The following CACNA2D3 variants were observed in gnomAD, a reference collection of about 807,000 sequenced individuals.
CACNA2D3 encodes calcium voltage-gated channel auxiliary subunit alpha2delta 3.
In CACNA2D3, 60 loss-of-function variants were observed where a neutral mutation model predicts 160.6. The observed-to-expected ratio is 0.37, with a 90% CI of 0.30 to 0.46. CACNA2D3 has a LOEUF of 0.46. CACNA2D3 is among the 20% of genes least tolerant of loss of function. CACNA2D3 has a pLI of 1.00. For synonymous variants in CACNA2D3, 558 were observed against 492.9 expected, an observed-to-expected ratio of 1.13 and a Z score of -1.75; for missense variants, 1,205 against 1,365.0, an observed-to-expected ratio of 0.88 and a Z score of 1.85.
chr3:54,155,271 C>G (rs1328684329), intron 2 of CACNA2D3, among the ~76,000 whole-genome samples: 1 of 152,188 alleles, frequency 6.6e-6, no homozygotes, highest in African/African-American at 2.4e-5. Flanking sequence ...ATGGGTCACA[C>G]AAAGCCTGCT....
intron 11 of CACNA2D3, among the ~76,000 whole-genome samples, chr3:54,736,116 T>TATATATAC (rs796503735): frequency 0.023 from 724 of 32,098 alleles, 126 homozygotes; most frequent in South Asian, 0.068. Context: ...TATGTATATA[T>TATATATAC]ATACATATAT....
At chr3:54,521,898 T>C (rs1024844524) in intron 5 of CACNA2D3, among the ~76,000 whole-genome samples, 1 of 152,242 alleles carries the variant, frequency 6.6e-6, no homozygotes, top group Non-Finnish European at 1.5e-5. Flanking sequence ...TTCTGGACTC[T>C]CATGTCTATT....
intron 2 of CACNA2D3, among the ~76,000 whole-genome samples, chr3:54,170,882 G>C (rs908634489): frequency 6.6e-6 from 1 of 151,934 alleles, no homozygotes; most frequent in Non-Finnish European, 1.5e-5. Context: ...TCTAGGCTTT[G>C]TCAGATGTTT....
chr3:54,664,083 G>A (rs1446691282), intron 11 of CACNA2D3, among the ~76,000 whole-genome samples: 2 of 152,236 alleles, frequency 1.3e-5, no homozygotes, highest in Admixed American at 6.5e-5. Context: ...AACTCCAGCT[G>A]TGCTGAGCCG....
rs1368784848 is a variant in CACNA2D3, at chr3:54,312,871, C to A, written c.205-7571C>A. Among the ~76,000 whole-genome samples the A allele has an allele frequency of 2.0e-5, 3 of 152,160 alleles. No individual in the cohort carries two copies. The East Asian group carries it at 5.8e-4, about 29-fold the overall frequency. Reference sequence around the variant, plus strand: ...CCCCAGTCCTGGCTAAATCCACAGGCTGCCTTGCTGGGGCATCTCTGCTTA... The same window carrying A: ...CCCCAGTCCTGGCTAAATCCACAGGATGCCTTGCTGGGGCATCTCTGCTTA... On this transcript the variant is annotated intron_variant, in intron 2 of 37. Transcript: ENST00000474759.
At chr3:54,467,398 G>A (rs1700648072) in intron 4 of CACNA2D3, among the ~76,000 whole-genome samples, 1 of 152,188 alleles carries the variant, frequency 6.6e-6, no homozygotes, top group African/African-American at 2.4e-5. Context: ...CAGTAAAAGA[G>A]AAAGAGAAGC....
chr3:54,974,629 A>C (rs536315920), intron 29 of CACNA2D3, among the ~76,000 whole-genome samples: 5 of 152,342 alleles, frequency 3.3e-5, no homozygotes, highest in African/African-American at 9.6e-5. Flanking sequence ...TTCTCTGAGT[A>C]ATACGGAGCC....
chr3:54,628,377 G>A (rs1345688419), intron 10 of CACNA2D3, among the ~76,000 whole-genome samples: 7 of 152,212 alleles, frequency 4.6e-5, no homozygotes. Context: ...AGAGCACAGT[G>A]GGGAAGAGAG....
chr3:54,172,570 A>C (rs369448460), intron 2 of CACNA2D3, among the ~76,000 whole-genome samples: 1 of 152,236 alleles, frequency 6.6e-6, no homozygotes, highest in African/African-American at 2.4e-5. Flanking sequence ...TACTAATTCT[A>C]TATAACATAT....
intron 4 of CACNA2D3, among the ~76,000 whole-genome samples, chr3:54,443,719 G>C (rs1186364031): frequency 6.6e-6 from 1 of 152,162 alleles, no homozygotes; most frequent in Non-Finnish European, 1.5e-5. Flanking sequence ...ATTGTGTTCA[G>C]CCTTCACATT....
rs1553641447 is a variant in CACNA2D3, at chr3:54,380,733, C to CAAAAAAA, written c.322-5981_322-5975dup. Reference sequence around the variant, plus strand: ...GAGACTCCGTCTCAAAAACAAAAAACAAAAAAACAAAAAAACAAAAGCCAC... The same window carrying CAAAAAAA: ...GAGACTCCGTCTCAAAAACAAAAAACAAAAAAAAAAAAAACAAAAAAACAAAAGCCAC... On this transcript the variant is annotated intron_variant, in intron 3 of 37. Transcript: ENST00000474759. 2.7e-3 allele frequency among the ~76,000 whole-genome samples: 402 copies of CAAAAAAA among 151,516 alleles called. 2 individuals are homozygous for CAAAAAAA. The highest frequency in any genetic ancestry group is 9.4e-3 in the African/African-American group (390 of 41,376).
rs35580812 is a variant in CACNA2D3 at position 54,224,278 on chromosome 3, C to CTT, written c.205-96155_205-96154dup. ...GTGCCTGAAGATGTTTTCCATTTAACTTTTTTTTTTAATGAAGTAGAAGGA... is the reference window on the plus strand; with the variant it reads ...GTGCCTGAAGATGTTTTCCATTTAACTTTTTTTTTTTTAATGAAGTAGAAGGA... On this transcript the variant is annotated intron_variant, in intron 2 of 37. Coordinates refer to ENST00000474759, the MANE Select transcript of CACNA2D3 (RefSeq NM_018398.3). Among the ~76,000 whole-genome samples, 66 of 149,678 alleles carry CTT rather than the reference C, an allele frequency of 4.4e-4. No individual in the cohort carries two copies. The Middle Eastern group carries it at 0.01, about 24-fold the overall frequency.
At chr3:54,642,316 GTAAGT>G in intron 11 of CACNA2D3, 75 bp downstream of exon 11, 7 of 805,714 alleles carry the variant, frequency 8.7e-6, no homozygotes, top group Non-Finnish European at 1.4e-5. Context: ...TTGTCCATGA[GTAAGT>G]GCCTCATGTA....
chr3:54,765,517 T>C (rs1702207682), intron 13 of CACNA2D3, among the ~76,000 whole-genome samples: 1 of 152,236 alleles, frequency 6.6e-6, no homozygotes, highest in South Asian at 2.1e-4. Context: ...CTGCCCCATT[T>C]ATGTTGGCAC....
intron 11 of CACNA2D3, among the ~76,000 whole-genome samples, chr3:54,643,139 A>G (rs1379216099): frequency 6.6e-6 from 1 of 152,066 alleles, no homozygotes; most frequent in Non-Finnish European, 1.5e-5. Flanking sequence ...GTCTATAGGT[A>G]CACGAGTCAG....
At chr3:54,627,905 A>C in intron 10 of CACNA2D3, 29 bp downstream of exon 10, 4 of 1,442,788 alleles carry the variant, frequency 2.8e-6, no homozygotes, top group Non-Finnish European at 2.9e-6. Context: ...TGCCTTTCTC[A>C]TCCCTTGGAG....
At chr3:55,044,966 G>C (rs1040342454) in intron 35 of CACNA2D3, among the ~76,000 whole-genome samples, 1 of 152,124 alleles carries the variant, frequency 6.6e-6, no homozygotes, top group Admixed American at 6.5e-5. Context: ...ATGATATATT[G>C]TTCTATTTTA....
intron 2 of CACNA2D3, among the ~76,000 whole-genome samples, chr3:54,238,819 A>G (rs1409157544): frequency 2.6e-5 from 4 of 152,210 alleles, no homozygotes; most frequent in African/African-American, 9.6e-5. Flanking sequence ...AGTGATTCAC[A>G]TCAACTCTCT....
At chr3:54,850,395 G>A (rs1312615043) in intron 17 of CACNA2D3, among the ~76,000 whole-genome samples, 1 of 152,194 alleles carries the variant, frequency 6.6e-6, no homozygotes, top group Non-Finnish European at 1.5e-5. Context: ...GATGCCCCTG[G>A]AATGTTTGTT....
Sources: gnomAD v4.1 joint callset for allele counts (sites outside exome capture counted in the v4.1 genomes callset) on GRCh38, gnomAD v4.1.1 for gene constraint, MANE v1.5 for transcripts, NCBI Gene and HGNC (gene_info 2026-07-23, HGNC 2026-07-21) for gene names.